NRG4: variants seen among roughly 807,000 people sequenced by gnomAD.
NRG4 encodes the protein pro-neuregulin-4, membrane-bound isoform.
In NRG4, 10 loss-of-function variants were observed where a neutral mutation model predicts 15.0. That is an observed-to-expected ratio of 0.67 (90% CI 0.41 to 1.13). The LOEUF is 1.13. NRG4 is among the 50% of genes most tolerant of loss of function. NRG4 has a pLI of 0.00. For missense variants in NRG4, 139 were observed against 140.2 expected, an observed-to-expected ratio of 0.99 and a Z score of 0.04; for synonymous variants, 41 against 50.1, an observed-to-expected ratio of 0.82 and a Z score of 0.77.
At chr15:75,936,141 G>A (rs542897772), downstream of NRG4, 12 of 152,260 alleles carry the variant, frequency 7.9e-5, no homozygotes, top group East Asian at 2.1e-3. Context: ...ATATAAATAT[G>A]CTTTTGTCAT....
In NRG4 at chr15:76,011,245, A is replaced by G. The variant is rs2034798987; in HGVS notation, c.-15T>C. 1 of 1,451,436 alleles carries G rather than the reference A, an allele frequency of 6.9e-7. No individual in the cohort carries two copies. Among genetic ancestry groups the G allele is most frequent in the Non-Finnish European group, 9.1e-7 (1 of 1,094,244 alleles). 89.9% of individuals were successfully genotyped at this position (1,451,436 alleles called of 1,614,324 possible). A position where few individuals can be genotyped will look rare whatever the true frequency, so the allele number is the denominator to read the frequency against. On this transcript the variant is annotated 5_prime_UTR_variant, in exon 2 of 6. Transcript: ENST00000394907. ...CCTGTTGGCATCTTAATTTGTAAATAGTTTCATTCTTGGTCAAGAGAGTAG... is the reference window on the plus strand; with the variant it reads ...CCTGTTGGCATCTTAATTTGTAAATGGTTTCATTCTTGGTCAAGAGAGTAG...
exon 4 of NRG4, chr15:76,052,174 G>A (rs1266469784): frequency 6.6e-6 from 1 of 150,790 alleles, no homozygotes; most frequent in Non-Finnish European, 1.5e-5. Context: ...AGAATTTGTG[G>A]CCACTATAAA....
At chr15:75,970,695 A>G (rs939556465) in intron 3 of NRG4, among the ~76,000 whole-genome samples, 1 of 152,238 alleles carries the variant, frequency 6.6e-6, no homozygotes, top group African/African-American at 2.4e-5. Flanking sequence ...TTGGCTCTGA[A>G]GTGATCCTCT....
In NRG4 at chr15:75,990,671, GTTTTTTTTTTTTGTT is replaced by G. The variant is rs1186644504; in HGVS notation, c.104+18514_104+18528del. Among the ~76,000 whole-genome samples, 617 of 130,620 alleles carry G rather than the reference GTTTTTTTTTTTTGTT, an allele frequency of 4.7e-3. 13 individuals are homozygous for G. The highest frequency in any genetic ancestry group is 0.017 in the African/African-American group (576 of 34,118). The allele number at this position is 130,620 out of a possible 152,430, so 85.7% of individuals were successfully genotyped here. On this transcript the variant is annotated intron_variant, in intron 3 of 5. Transcript: ENST00000394907. ...AATTTTCTTACTGTAGTTGGTAATT[GTTTTTTTTTTTTGTT>G]TTTTTTTTTTTTGAGACAGGGTCTA...
chr15:76,041,556 C>T (rs902271424), intron 4 of NRG4, among the ~76,000 whole-genome samples: 2 of 151,948 alleles, frequency 1.3e-5, no homozygotes, highest in Non-Finnish European at 2.9e-5. Context: ...AAAATAGATT[C>T]CATGACAAAA....
intron 3 of NRG4, among the ~76,000 whole-genome samples, chr15:75,987,551 T>A (rs1296664002): frequency 5.3e-5 from 8 of 152,086 alleles, no homozygotes; most frequent in Non-Finnish European, 1.2e-4. Context: ...AAGACTTACT[T>A]CCGCTCTCCC....
At position 76,049,038 on chromosome 15, in the gene NRG4, C is replaced by T. The variant is rs1239528790; in HGVS notation, c.-105+3029G>A. On this transcript the variant is annotated intron_variant, in intron 4 of 8. Coordinates refer to the NRG4 transcript ENST00000563910. ...CAGCCTGGGGGATAGAGCAATACTC[C>T]GTCACATAAAAGAAAAAAAAAATCC... Among the ~76,000 whole-genome samples, 5 of 149,958 alleles carry T rather than the reference C, an allele frequency of 3.3e-5. 1 individual carries two copies. Among genetic ancestry groups the T allele is most frequent in the East Asian group, 1.9e-4 (1 of 5,180 alleles).
At chr15:76,046,442 C>T (rs2035871774) in intron 4 of NRG4, among the ~76,000 whole-genome samples, 1 of 151,184 alleles carries the variant, frequency 6.6e-6, no homozygotes, top group Non-Finnish European at 1.5e-5. Flanking sequence ...CACTACCTGA[C>T]TTCAAAATTT....
chr15:75,990,671 G>GTTTTTTTTTTTTGTTTTTTTTTT (rs2033975637), intron 3 of NRG4, among the ~76,000 whole-genome samples: 1 of 130,616 alleles, frequency 7.7e-6, no homozygotes, highest in Non-Finnish European at 1.6e-5. Context: ...GTTGGTAATT[G>GTTTTTTTTTTTTGTTTTTTTTTT]TTTTTTTTTT....
chr15:76,009,160 A>G (rs781656259), intron 3 of NRG4, 40 bp downstream of exon 3: 2 of 973,198 alleles, frequency 2.1e-6, no homozygotes, highest in Non-Finnish European at 3.4e-6. Context: ...TAGACAATAA[A>G]AAATAAAGTT....
chr15:76,038,265 G>A (rs1014417127), intron 4 of NRG4, among the ~76,000 whole-genome samples: 1 of 152,206 alleles, frequency 6.6e-6, no homozygotes, highest in Non-Finnish European at 1.5e-5. Flanking sequence ...TGCATCTTAA[G>A]TACAAGCTCT....
chr15:75,992,346 G>T (rs1337903434), intron 3 of NRG4, among the ~76,000 whole-genome samples: 2 of 151,930 alleles, frequency 1.3e-5, no homozygotes, highest in African/African-American at 2.4e-5. Flanking sequence ...GTTTCCATTT[G>T]GTATTATTTC....
chr15:76,055,731 G>C (rs2036136482), intron 2 of NRG4, among the ~76,000 whole-genome samples: 1 of 152,160 alleles, frequency 6.6e-6, no homozygotes, highest in African/African-American at 2.4e-5. Context: ...TACAGAAATT[G>C]TTTAAAATCC....
chr15:75,993,392 T>TA (rs60453624), intron 3 of NRG4, among the ~76,000 whole-genome samples: 4,216 of 72,080 alleles, frequency 0.058, 223 homozygotes, highest in Non-Finnish European at 0.08. Flanking sequence ...GAGGATTCTG[T>TA]AAAAAAAAAA....
At position 76,040,452 on chromosome 15, in the gene NRG4, T is replaced by C. The variant is rs533252544; in HGVS notation, c.-104-4461A>G. 4.6e-5 allele frequency among the ~76,000 whole-genome samples: 7 copies of C among 151,824 alleles called. No homozygotes were observed. The East Asian group carries it at 1.4e-3, about 29-fold the overall frequency. On this transcript the variant is annotated intron_variant, in intron 4 of 8. Coordinates refer to the NRG4 transcript ENST00000563910. Reference sequence around the variant, plus strand: ...GGAGTACTTCTATCAGAAGTAAGGATGAAGAAAAGAAAAAGAAAAGGATGT... The same window carrying C: ...GGAGTACTTCTATCAGAAGTAAGGACGAAGAAAAGAAAAAGAAAAGGATGT...
At chr15:76,010,366 C>T (rs2034764971) in intron 2 of NRG4, among the ~76,000 whole-genome samples, 1 of 152,050 alleles carries the variant, frequency 6.6e-6, no homozygotes, top group South Asian at 2.1e-4. Context: ...TCCAATTTGA[C>T]ATTAAAATTA....
At chr15:76,039,731 G>T (rs551042565) in intron 4 of NRG4, among the ~76,000 whole-genome samples, 2 of 152,262 alleles carry the variant, frequency 1.3e-5, no homozygotes, top group African/African-American at 4.8e-5. Flanking sequence ...CCTAGAAAAA[G>T]ATATTAATAA....
Position 75,961,832 on chromosome 15 carries a change from A to C in NRG4, c.247T>G (p.Cys83Gly), listed in dbSNP as rs1384681135. 1 of 1,608,436 alleles carries C rather than the reference A, an allele frequency of 6.2e-7. No individual in the cohort carries two copies. The highest frequency in any genetic ancestry group is 1.7e-5 in the Admixed American group (1 of 59,014). Residue 83 changes from cysteine to glycine, a missense_variant, in exon 4 of 6, where the codon TGC becomes GGC. Cys to Gly is a radical substitution (Grantham distance 159). Coordinates refer to ENST00000394907, the MANE Select transcript of NRG4 (RefSeq NM_138573.4). ...GCATGTTTCTATTTTACTTACCTGC[A>C]AAGGAAGTAGAAGGCTCCAATGATA... ...TLIIGAFYFL[C>G]RKGHFQRASS... is the part of the protein sequence containing the mutation.
intron 4 of NRG4, among the ~76,000 whole-genome samples, chr15:76,048,471 C>CAAAAAAA (rs35429006): frequency 1.4e-5 from 1 of 74,020 alleles, no homozygotes; most frequent in South Asian, 5.7e-4. Context: ...GACTCTGACT[C>CAAAAAAA]AAAAAAAAAA....
Sources: gnomAD v4.1 joint callset for allele counts (sites outside exome capture counted in the v4.1 genomes callset) on GRCh38, gnomAD v4.1.1 for gene constraint, MANE v1.5 for transcripts, NCBI Gene and HGNC (gene_info 2026-07-23, HGNC 2026-07-21) for gene names.